The following COP1 variants were observed in gnomAD, a reference collection of about 807,000 sequenced individuals.
COP1 encodes the protein COP1 E3 ubiquitin ligase.
Under a neutral mutation model 101.3 loss-of-function variants are expected in COP1, and 24 were observed. The ratio of observed to expected loss-of-function variants is 0.24; its 90% CI spans 0.17 to 0.33. The LOEUF is 0.33. Among genes scored for constraint, COP1 ranks in the 10% least tolerant of loss-of-function variants. COP1 has a pLI of 1.00. For synonymous variants in COP1, 347 were observed against 341.9 expected (o/e 1.01, Z -0.17); for missense variants, 663 against 906.2 (o/e 0.73, Z 3.45).
At chr1:176,008,793 T>A (rs147886724) in intron 15 of COP1, among the ~76,000 whole-genome samples, 11 of 152,372 alleles carry the variant, frequency 7.2e-5, no homozygotes, top group Admixed American at 3.9e-4. Context: ...GTTCAGCCTG[T>A]AATTCCTACT....
chr1:175,988,529 T>C, intron 16 of COP1, 117 bp from the exon 17 acceptor site: 1 of 984,448 alleles, frequency 1.0e-6, no homozygotes, highest in Non-Finnish European at 1.5e-6. Flanking sequence ...GGAGCCAGAC[T>C]GAGTTAGCAC....
intron 15 of COP1, among the ~76,000 whole-genome samples, chr1:176,027,345 A>T (rs1308786631): frequency 6.6e-6 from 1 of 152,234 alleles, no homozygotes; most frequent in Non-Finnish European, 1.5e-5. Flanking sequence ...AAATGACAAA[A>T]ATTAACAAAT....
chr1:176,181,390 A>T lies in COP1; in HGVS notation c.467+3243T>A, dbSNP rs145539204. 6.0e-5 allele frequency among the ~76,000 whole-genome samples: 9 copies of T among 150,872 alleles called. No homozygotes were observed. In the East Asian group the frequency reaches 1.8e-3, roughly 30 times the overall value. ...CCATAGCCCTCACATGTTAGGAAAGAGTAAATAATTATAAACTTTTGCTTT... is the reference window on the plus strand; with the variant it reads ...CCATAGCCCTCACATGTTAGGAAAGTGTAAATAATTATAAACTTTTGCTTT... On this transcript the variant is annotated intron_variant, in intron 2 of 19. Transcript: ENST00000367669.
chr1:175,994,864 G>A (rs1445996064), intron 15 of COP1, among the ~76,000 whole-genome samples: 2 of 152,248 alleles, frequency 1.3e-5, no homozygotes, highest in African/African-American at 4.8e-5. Flanking sequence ...AGGATATCCA[G>A]GAATTGAACT....
chr1:176,049,068 A>T (rs1456746764), intron 11 of COP1, among the ~76,000 whole-genome samples: 1 of 150,488 alleles, frequency 6.6e-6, no homozygotes, highest in Non-Finnish European at 1.5e-5. Flanking sequence ...GCTACTCGGG[A>T]GGCTGAGGCA....
chr1:175,996,749 G>C (rs1660252528), intron 15 of COP1, among the ~76,000 whole-genome samples: 1 of 151,942 alleles, frequency 6.6e-6, no homozygotes, highest in South Asian at 2.1e-4. Context: ...AAATAAAAGA[G>C]GATACAAACA....
intron 14 of COP1, among the ~76,000 whole-genome samples, chr1:176,035,531 T>C (rs1669349086): frequency 6.6e-6 from 1 of 151,750 alleles, no homozygotes; most frequent in Non-Finnish European, 1.5e-5. Context: ...GGGATAGTGA[T>C]ATTATATATT....
At chr1:176,103,511 C>A (rs1341323742) in intron 9 of COP1, among the ~76,000 whole-genome samples, 2 of 152,164 alleles carry the variant, frequency 1.3e-5, no homozygotes, top group Admixed American at 6.5e-5. Context: ...CTCTTCCCTA[C>A]CTTGGAATAT....
At chr1:176,159,871 A>G (rs1694027547) in intron 5 of COP1, among the ~76,000 whole-genome samples, 1 of 152,154 alleles carries the variant, frequency 6.6e-6, no homozygotes, top group Admixed American at 6.6e-5. Flanking sequence ...TTAAGTATGA[A>G]AATAATTACT....
At position 176,186,741 on chromosome 1, in the gene COP1, C is replaced by T. The variant is rs147620437; in HGVS notation, c.408-2049G>A. Among the ~76,000 whole-genome samples the T allele has an allele frequency of 2.6e-3, 398 of 152,120 alleles. 3 individuals carry two copies. The highest frequency in any genetic ancestry group is 9.2e-3 in the African/African-American group (381 of 41,492). On this transcript the variant is annotated intron_variant, in intron 1 of 19. Coordinates refer to ENST00000367669, the MANE Select transcript of COP1 (RefSeq NM_022457.7). ...GGGAAGCCAAGTGTAGAAATGGTTA[C>T]GGAAGCTATCATAATCCAGTGAGAA... is the stretch of plus-strand genomic sequence containing the variant.
At chr1:175,995,798 A>C (rs1659990677) in intron 15 of COP1, among the ~76,000 whole-genome samples, 1 of 152,242 alleles carries the variant, frequency 6.6e-6, no homozygotes, top group Non-Finnish European at 1.5e-5. Context: ...ATGGATTCAC[A>C]GCCGAATTCT....
At chr1:176,085,977 C>A in intron 9 of COP1, 87 bp from the exon 10 acceptor site, 2 of 625,816 alleles carry the variant, frequency 3.2e-6, no homozygotes, top group Non-Finnish European at 5.6e-6. Context: ...CATTTACCCT[C>A]AGAAGTTCAT....
At chr1:176,097,178 C>CCT (rs1682546389) in intron 9 of COP1, among the ~76,000 whole-genome samples, 1 of 151,218 alleles carries the variant, frequency 6.6e-6, no homozygotes, top group Admixed American at 6.6e-5. Flanking sequence ...AAGTTGTAGG[C>CCT]ATAGGTAAAA....
chr1:175,968,423 T>C (rs757758830), intron 18 of COP1: 3 of 518,666 alleles, frequency 5.8e-6, no homozygotes, highest in South Asian at 4.2e-5. Context: ...ACGATCAGAC[T>C]TAGCCAGCTG....
intron 14 of COP1, among the ~76,000 whole-genome samples, chr1:176,035,110 C>T (rs1342466099): frequency 1.3e-5 from 2 of 152,066 alleles, no homozygotes; most frequent in African/African-American, 4.8e-5. Context: ...TAACAAAGGT[C>T]AGTCCTAAGG....
At chr1:176,187,353 TAC>T (rs1351010727) in intron 1 of COP1, among the ~76,000 whole-genome samples, 1 of 151,982 alleles carries the variant, frequency 6.6e-6, no homozygotes, top group African/African-American at 2.4e-5. Flanking sequence ...CACATATATA[TAC>T]ACATATATAC....
chr1:176,021,910 T>A (rs1029673226), intron 15 of COP1, among the ~76,000 whole-genome samples: 3 of 152,266 alleles, frequency 2.0e-5, no homozygotes, highest in Non-Finnish European at 2.9e-5. Context: ...AGCTGACAGA[T>A]TCCATCTTCT....
At chr1:175,993,372 C>G (rs1226786947) in intron 15 of COP1, among the ~76,000 whole-genome samples, 1 of 152,168 alleles carries the variant, frequency 6.6e-6, no homozygotes, top group Non-Finnish European at 1.5e-5. Context: ...TCCTCACCAG[C>G]AACGGAACAA....
chr1:176,173,650 A>AT (rs1463051638), intron 3 of COP1, among the ~76,000 whole-genome samples: 11 of 151,726 alleles, frequency 7.2e-5, no homozygotes, highest in African/African-American at 2.7e-4. Context: ...AAAAAAAAAA[A>AT]AATCAGTAAA....
Sources: gnomAD v4.1 joint callset for allele counts (sites outside exome capture counted in the v4.1 genomes callset) on GRCh38, gnomAD v4.1.1 for gene constraint, MANE v1.5 for transcripts, NCBI Gene and HGNC (gene_info 2026-07-23, HGNC 2026-07-21) for gene names.